The following ATRN variants were observed in gnomAD, a reference collection of about 807,000 sequenced individuals.
ATRN encodes the protein attractin-2.
A neutral mutation model predicts 178.7 loss-of-function variants in ATRN; 54 were observed. That is an observed-to-expected ratio of 0.30 (90% CI 0.24 to 0.38). ATRN has a LOEUF of 0.38. Among genes scored for constraint, ATRN ranks in the 10% least tolerant of loss-of-function variants. ATRN has a pLI of 1.00. For synonymous variants in ATRN, 636 were observed against 663.0 expected (o/e 0.96, Z 0.63); for missense variants, 1,443 against 1,815.1 (o/e 0.79, Z 3.73).
intron 1 of ATRN, among the ~76,000 whole-genome samples, chr20:3,478,496 TGGGAGCA>T (rs2084563419): frequency 6.6e-6 from 1 of 151,698 alleles, no homozygotes; most frequent in African/African-American, 2.4e-5. Context: ...CACTCGTAAG[TGGGAGCA>T]GGGAGGGGAA....
intron 2 of ATRN, among the ~76,000 whole-genome samples, chr20:3,539,745 T>C (rs375592951): frequency 6.6e-6 from 1 of 152,162 alleles, no homozygotes; most frequent in Middle Eastern, 3.4e-3. Flanking sequence ...GTTTTTTTTT[T>C]CCCTCCACCG....
chr20:3,488,211 C>T lies in ATRN; in HGVS notation c.410+16694C>T, dbSNP rs238725. Among the ~76,000 whole-genome samples, 559 of 152,120 alleles carry T rather than the reference C, an allele frequency of 3.7e-3. 2 individuals carry two copies. The highest frequency in any genetic ancestry group is 0.01 in the Middle Eastern group (3 of 294). On this transcript the variant is annotated intron_variant, in intron 1 of 28. Transcript: ENST00000262919. ...GATTGCATTTACTTCTTGATTTTAA[C>T]GTAGTGAAATGTATTGATTTTTTTC... is the stretch of plus-strand genomic sequence containing the variant.
chr20:3,481,605 C>T (rs1305095496), intron 1 of ATRN, among the ~76,000 whole-genome samples: 1 of 152,096 alleles, frequency 6.6e-6, no homozygotes, highest in African/African-American at 2.4e-5. Context: ...CTGCGCCTGC[C>T]AAAGTGCTGG....
At chr20:3,586,072 C>T (rs924268190) in intron 18 of ATRN, among the ~76,000 whole-genome samples, 6 of 152,148 alleles carry the variant, frequency 3.9e-5, no homozygotes, top group Non-Finnish European at 5.9e-5. Flanking sequence ...AAATTGAAAA[C>T]ATATGTTACC....
rs188704768 is a variant in ATRN at position 3,543,989 on chromosome 20, A to C, written c.609-1773A>C. Among the ~76,000 whole-genome samples the C allele has an allele frequency of 7.6e-4, 116 of 152,198 alleles. 2 individuals are homozygous for C. The East Asian group carries it at 0.022, about 29-fold the overall frequency. ...GTCAAGACTGCAGTGAGCTGTGATC[A>C]TGCCACTGCACTCTAGCTTGGGCTA... On this transcript the variant is annotated intron_variant, in intron 3 of 28. Transcript: ENST00000262919.
intron 1 of ATRN, among the ~76,000 whole-genome samples, chr20:3,524,276 T>G (rs927681244): frequency 2.7e-5 from 4 of 146,590 alleles, no homozygotes; most frequent in African/African-American, 5.0e-5. Flanking sequence ...TAGTATCTGA[T>G]AAAACAGACT....
At position 3,471,040 on chromosome 20, in the gene ATRN, G is replaced by A. The variant is rs767259312; in HGVS notation, c.-68G>A. 9 of 1,424,344 alleles carry A rather than the reference G, an allele frequency of 6.3e-6. No homozygotes were observed. The South Asian group carries it at 1.3e-4, about 21-fold the overall frequency. The allele number at this position is 1,424,344 out of a possible 1,614,324, so 88.2% of individuals were successfully genotyped here. On this transcript the variant is annotated 5_prime_UTR_variant, in exon 1 of 29. Transcript: ENST00000262919. The stretch of plus-strand genomic sequence containing the variant: ...CGCACAGCCCCGCCCCGCACGGCCA[G>A]GCGAAGCGGAGCCGGCCGTGCGGTG...
rs191294463 is a variant in ATRN at position 3,523,892 on chromosome 20, T to C, written c.411-11361T>C. ...TGAGATATTTTGTCATCACCAGGCCTGCCTTACAAGAGCTCCTGAAGGAAG... is the reference window on the plus strand; with the variant it reads ...TGAGATATTTTGTCATCACCAGGCCCGCCTTACAAGAGCTCCTGAAGGAAG... On this transcript the variant is annotated intron_variant, in intron 1 of 28. Transcript: ENST00000262919. Among the ~76,000 whole-genome samples, 436 of 152,314 alleles carry C rather than the reference T, an allele frequency of 2.9e-3. 2 individuals are homozygous for C. The highest frequency in any genetic ancestry group is 4.1e-3 in the Non-Finnish European group (277 of 68,024).
At chr20:3,644,093 AG>A in intron 27 of ATRN, 60 bp from the exon 28 acceptor site, 1 of 1,251,924 alleles carries the variant, frequency 8.0e-7, no homozygotes, top group Non-Finnish European at 1.2e-6. Flanking sequence ...ATGACCGTTA[AG>A]TTGTCCGTAT....
chr20:3,501,542 G>C (rs1431896873), intron 1 of ATRN, among the ~76,000 whole-genome samples: 1 of 152,144 alleles, frequency 6.6e-6, no homozygotes, highest in South Asian at 2.1e-4. Flanking sequence ...TCTATCAGTG[G>C]TAGAATAGCT....
chr20:3,602,845 C>G (rs1370984330), intron 23 of ATRN, among the ~76,000 whole-genome samples: 1 of 151,568 alleles, frequency 6.6e-6, no homozygotes, highest in Non-Finnish European at 1.5e-5. Context: ...TGCCTGTAAT[C>G]CCAGCTACTT....
At chr20:3,611,423 G>A (rs1201868910) in intron 24 of ATRN, among the ~76,000 whole-genome samples, 2 of 152,176 alleles carry the variant, frequency 1.3e-5, no homozygotes, top group Non-Finnish European at 2.9e-5. Flanking sequence ...GGCAAATAAT[G>A]ACATAAAAGA....
At chr20:3,588,513 G>A (rs1247165653) in intron 18 of ATRN, among the ~76,000 whole-genome samples, 1 of 152,048 alleles carries the variant, frequency 6.6e-6, no homozygotes, top group Non-Finnish European at 1.5e-5. Flanking sequence ...TTGCATTCCT[G>A]GGATAAAGCC....
chr20:3,584,877 C>A lies in ATRN; in HGVS notation c.3181C>A (p.Pro1061Thr). ...SRYNWSFIHC[P>T]ACQCNGHSKC... ...ATACAACTGGTCTTTCATTCACTGT[C>A]CAGGTAAGATGCCTTGCATATCCAA... The change falls in exon 18 of 29, where the codon CCA (proline) becomes ACA (threonine). Residue 1061 changes from proline to threonine, a missense_variant. Pro to Thr is a conservative substitution (Grantham distance 38). Around this residue, in one of 4 missense-constraint regions of ATRN, gnomAD observed 80 missense variants for 71.5 expected, o/e 1.12. Coordinates refer to ENST00000262919, the MANE Select transcript of ATRN (RefSeq NM_139321.3). The A allele has an allele frequency of 6.2e-7, 1 of 1,613,436 alleles. No individual in the cohort carries two copies. Among genetic ancestry groups the A allele is most frequent in the Non-Finnish European group, 8.5e-7 (1 of 1,179,360 alleles).
intron 1 of ATRN, among the ~76,000 whole-genome samples, chr20:3,528,137 G>C (rs909976157): frequency 2.0e-5 from 3 of 152,144 alleles, no homozygotes; most frequent in African/African-American, 7.2e-5. Context: ...TTGGGATGCT[G>C]AGGTGGGTAG....
chr20:3,609,470 A>G (rs1347827603), intron 24 of ATRN, among the ~76,000 whole-genome samples: 2 of 152,178 alleles, frequency 1.3e-5, no homozygotes, highest in Non-Finnish European at 2.9e-5. Flanking sequence ...TCAACTGCAA[A>G]TAGGGACACT....
chr20:3,599,275 TAAGC>T (rs1010494979), intron 22 of ATRN, among the ~76,000 whole-genome samples: 4 of 152,200 alleles, frequency 2.6e-5, no homozygotes, highest in African/African-American at 7.2e-5. Context: ...CACTGCCTCA[TAAGC>T]AAGCGTTTGA....
intron 1 of ATRN, among the ~76,000 whole-genome samples, chr20:3,527,500 G>T (rs1468144464): frequency 6.6e-6 from 1 of 152,228 alleles, no homozygotes; most frequent in South Asian, 2.1e-4. Context: ...TTCAATCATT[G>T]TGGAAGACAG....
chr20:3,549,481 G>GACTCATATGTCA (rs1484063080), intron 6 of ATRN, 143 bp downstream of exon 6: 6 of 735,088 alleles, frequency 8.2e-6, no homozygotes, highest in Non-Finnish European at 8.1e-6. Flanking sequence ...GTCTTTCAAA[G>GACTCATATGTCA]TGTTTTGACA....
Sources: allele counts gnomAD v4.1 joint callset (sites outside exome capture counted in the v4.1 genomes callset), GRCh38; gene constraint gnomAD v4.1.1; regional missense constraint gnomAD v4.1.1; transcripts MANE v1.5; gene names NCBI Gene and HGNC (gene_info 2026-07-23, HGNC 2026-07-21).